GALNT17: variants seen among roughly 807,000 people sequenced by gnomAD.
The protein encoded by GALNT17 is UDP-GalNAc:polypeptide N-acetylgalactosaminyltransferase-like 3.
A neutral mutation model predicts 63.7 loss-of-function variants in GALNT17; 29 were observed. The observed-to-expected ratio is 0.46, with a 90% confidence interval of 0.34 to 0.62. The LOEUF is 0.62. Ranked by LOEUF, GALNT17 falls within the 20% of genes least tolerant of loss-of-function variation. The probability of loss-of-function intolerance (pLI) is 0.01; values close to 1 mark genes in which losing one functional copy is unlikely to be tolerated. For missense variants in GALNT17, 603 were observed against 799.6 expected (o/e 0.75, Z 2.97); for synonymous variants, 305 against 318.3 (o/e 0.96, Z 0.45).
intron 6 of GALNT17, among the ~76,000 whole-genome samples, chr7:71,609,417 G>T (rs1157978315): frequency 6.6e-6 from 1 of 152,218 alleles, no homozygotes; most frequent in East Asian, 1.9e-4. Flanking sequence ...CAAGTTCAAT[G>T]CATCAGGCGA....
At chr7:71,226,515 C>T (rs1263817246) in intron 1 of GALNT17, among the ~76,000 whole-genome samples, 2 of 152,040 alleles carry the variant, frequency 1.3e-5, no homozygotes, top group African/African-American at 2.4e-5. Context: ...TCTTTGAGAC[C>T]GAGTCTTGCT....
intron 6 of GALNT17, among the ~76,000 whole-genome samples, chr7:71,595,809 T>A (rs1021469519): frequency 6.6e-6 from 1 of 152,016 alleles, no homozygotes; most frequent in Non-Finnish European, 1.5e-5. Context: ...AATGACCCCA[T>A]CTTTCAGTGG....
intron 6 of GALNT17, among the ~76,000 whole-genome samples, chr7:71,583,494 T>C (rs1392441018): frequency 6.6e-6 from 1 of 152,146 alleles, no homozygotes; most frequent in Non-Finnish European, 1.5e-5. Context: ...TAAGTTTGTC[T>C]CTGCAGTGGC....
intron 6 of GALNT17, among the ~76,000 whole-genome samples, chr7:71,609,978 GA>G (rs1790101248): frequency 6.6e-6 from 1 of 151,894 alleles, no homozygotes; most frequent in Admixed American, 6.6e-5. Flanking sequence ...ACATTTTTTA[GA>G]ACTTTAATAC....
chr7:71,395,127 A>G (rs180710586), intron 3 of GALNT17, among the ~76,000 whole-genome samples: 82 of 152,178 alleles, frequency 5.4e-4, no homozygotes, highest in African/African-American at 1.9e-3. Context: ...AAAGTATACA[A>G]TTCAGTGATT....
intron 5 of GALNT17, among the ~76,000 whole-genome samples, chr7:71,549,620 A>G (rs549490739): frequency 1.3e-5 from 2 of 152,336 alleles, no homozygotes; most frequent in Admixed American, 6.5e-5. Context: ...TACAATATAC[A>G]TTAAGACTTC....
chr7:71,284,062 C>G (rs1000431098), intron 1 of GALNT17: 1 of 152,064 alleles, frequency 6.6e-6, no homozygotes, highest in Admixed American at 6.6e-5. Flanking sequence ...CTGCAACCGG[C>G]TCTGGTTCTT....
At chr7:71,552,564 C>G (rs1013366214) in intron 5 of GALNT17, among the ~76,000 whole-genome samples, 7 of 151,850 alleles carry the variant, frequency 4.6e-5, no homozygotes, top group Admixed American at 4.6e-4. Context: ...TCTCAGCCCC[C>G]CTCGTAGCTA....
At chr7:71,416,262 A>G (rs112783219) in intron 4 of GALNT17, among the ~76,000 whole-genome samples, 199 bp downstream of exon 4, 6,907 of 152,278 alleles carry the variant, frequency 0.045, 559 homozygotes, top group African/African-American at 0.16. Context: ...CCGTCTGTTC[A>G]GTTCACCATC....
At chr7:71,365,492 G>A (rs564788555) in intron 2 of GALNT17, among the ~76,000 whole-genome samples, 39 of 152,136 alleles carry the variant, frequency 2.6e-4, no homozygotes, top group Non-Finnish European at 5.3e-4. Context: ...CACCCGCCTC[G>A]GCTTCCCAAA....
At chr7:71,400,115 G>T (rs950539919) in intron 3 of GALNT17, among the ~76,000 whole-genome samples, 4 of 152,110 alleles carry the variant, frequency 2.6e-5, no homozygotes, top group African/African-American at 9.7e-5. Context: ...AGCCCTGCAT[G>T]CATTAGGTAT....
chr7:71,525,809 G>A (rs1379886945), intron 5 of GALNT17, among the ~76,000 whole-genome samples: 1 of 132,308 alleles, frequency 7.6e-6, no homozygotes, highest in East Asian at 2.4e-4. Context: ...GCATGATCTT[G>A]GCTCACTGCA....
At chr7:71,137,285 G>A (rs1787803265) in intron 1 of GALNT17, among the ~76,000 whole-genome samples, 3 of 151,828 alleles carry the variant, frequency 2.0e-5, no homozygotes, top group African/African-American at 7.3e-5. Flanking sequence ...GACTACAGGC[G>A]TCCGCCACCA....
chr7:71,606,723 G>C (rs145004324), intron 6 of GALNT17, among the ~76,000 whole-genome samples: 13 of 152,306 alleles, frequency 8.5e-5, no homozygotes, highest in African/African-American at 2.9e-4. Flanking sequence ...GTCAGCATTA[G>C]CCATCATCAA....
intron 1 of GALNT17, among the ~76,000 whole-genome samples, chr7:71,293,483 G>A (rs1353963444): frequency 6.6e-6 from 1 of 152,006 alleles, no homozygotes; most frequent in African/African-American, 2.4e-5. Context: ...ATATCCATTG[G>A]CCATTTACAT....
intron 5 of GALNT17, among the ~76,000 whole-genome samples, chr7:71,532,410 C>T (rs1246391402): frequency 2.0e-5 from 3 of 151,988 alleles, no homozygotes; most frequent in African/African-American, 4.8e-5. Context: ...ATCATTTGCA[C>T]GAAATTTTTT....
intron 5 of GALNT17, among the ~76,000 whole-genome samples, chr7:71,436,694 G>A (rs1278656006): frequency 2.0e-5 from 3 of 151,704 alleles, no homozygotes; most frequent in Non-Finnish European, 4.4e-5. Flanking sequence ...ACTCCAGCCT[G>A]GGCGACAGAG....
At chr7:71,520,290 G>A (rs764315789) in intron 5 of GALNT17, among the ~76,000 whole-genome samples, 1 of 152,110 alleles carries the variant, frequency 6.6e-6, no homozygotes, top group Non-Finnish European at 1.5e-5. Flanking sequence ...TTGGGAGGCC[G>A]AGGTGAGCGG....
At chr7:71,231,781 A>C (rs1185689438) in intron 1 of GALNT17, among the ~76,000 whole-genome samples, 1 of 150,598 alleles carries the variant, frequency 6.6e-6, no homozygotes, top group African/African-American at 2.4e-5. Flanking sequence ...GGAGAGAGAG[A>C]GCGCTTTCTA....
Sources: allele counts gnomAD v4.1 joint callset (sites outside exome capture counted in the v4.1 genomes callset), GRCh38; gene constraint gnomAD v4.1.1; transcripts MANE v1.5; gene names NCBI Gene and HGNC (gene_info 2026-07-23, HGNC 2026-07-21).